The following ZNF431 variants were observed in gnomAD, a reference collection of about 807,000 sequenced individuals.
ZNF431 encodes zinc finger protein 431.
ZNF431 carries 34 observed loss-of-function variants against 57.0 expected under a neutral mutation model. The ratio of observed to expected loss-of-function variants is 0.60; its 90% CI spans 0.45 to 0.79. The LOEUF (loss-of-function observed/expected upper bound fraction) is 0.79, where lower values mean the gene tolerates loss of function less well. Ranked by LOEUF, ZNF431 falls within the 30% of genes least tolerant of loss-of-function variation. The pLI is 0.00. For synonymous variants in ZNF431, 207 were observed against 220.3 expected (o/e 0.94, Z 0.54); for missense variants, 607 against 667.1 (o/e 0.91, Z 0.99).
chr19:21,169,699 C>T (rs1970826816), intron 4 of ZNF431: 1 of 397,708 alleles, frequency 2.5e-6, no homozygotes, highest in Non-Finnish European at 4.4e-6. Context: ...CAGATTTCTG[C>T]AGTTGGCTCC....
At position 21,154,288 on chromosome 19, in the gene ZNF431, C is replaced by T. The variant is rs539476449; in HGVS notation, c.96+10645C>T. 1.0e-3 allele frequency among the ~76,000 whole-genome samples: 153 copies of T among 152,082 alleles called. 2 individuals carry two copies. The highest frequency in any genetic ancestry group is 3.4e-3 in the Middle Eastern group (1 of 294). ...TGCGGTGTTTGGTTTTTTGTCCTTG[C>T]GATAGTTTGCTGAGAATGATGGTTT... On this transcript the variant is annotated intron_variant, in intron 2 of 4. Transcript: ENST00000311048.
In ZNF431 at chr19:21,191,624, A is replaced by G. The variant is rs1348614380; in HGVS notation, c.*7590A>G. 6.6e-6 allele frequency: 1 copy of G among 152,236 alleles called. No individual in the cohort carries two copies. Among genetic ancestry groups the G allele is most frequent in the Non-Finnish European group, 1.5e-5 (1 of 68,040 alleles). 9.4% of individuals were successfully genotyped at this position (152,236 alleles called of 1,614,324 possible). ...TCAATTTTTATCTCTGCATGTGGAT[A>G]TAAAGTTTTCTTAATTGAAGATTCT... On this transcript the variant is annotated 3_prime_UTR_variant, in exon 5 of 5. Coordinates refer to ENST00000311048, the MANE Select transcript of ZNF431 (RefSeq NM_133473.4).
intron 4 of ZNF431, 51 bp downstream of exon 4, chr19:21,167,717 TAAA>T (rs113788883): frequency 2.3e-5 from 25 of 1,094,870 alleles, no homozygotes; most frequent in East Asian, 6.5e-5. Context: ...GTCCAAAGCT[TAAA>T]AAAAAAAAAT....
chr19:21,175,212 G>C (rs557666818), intron 4 of ZNF431, among the ~76,000 whole-genome samples: 32 of 152,154 alleles, frequency 2.1e-4, no homozygotes, highest in African/African-American at 7.2e-4. Flanking sequence ...ATCCCAAACC[G>C]AGATAGTTTT....
intron 4 of ZNF431, among the ~76,000 whole-genome samples, chr19:21,177,800 G>C (rs1437869014): frequency 6.6e-6 from 1 of 151,642 alleles, no homozygotes; most frequent in African/African-American, 2.4e-5. Context: ...AAAACAAAAA[G>C]AATTATCTTG....
rs1245221975 is a variant in ZNF431, at chr19:21,185,176, A to G, written c.*1142A>G. On this transcript the variant is annotated 3_prime_UTR_variant, in exon 5 of 5. Transcript: ENST00000311048. ...GAAATATATAAGGTACTGACACTTC[A>G]GATATACTAAATCAGAGTGCTAAGT... 1 of 152,226 alleles carries G rather than the reference A, an allele frequency of 6.6e-6. No homozygotes were observed. Among genetic ancestry groups the G allele is most frequent in the Non-Finnish European group, 1.5e-5 (1 of 68,040 alleles). 9.4% of individuals were successfully genotyped at this position (152,226 alleles called of 1,614,324 possible). A position where few individuals can be genotyped will look rare whatever the true frequency, so the allele number is the denominator to read the frequency against.
At chr19:21,160,079 A>G (rs1358748526) in intron 2 of ZNF431, among the ~76,000 whole-genome samples, 2 of 151,372 alleles carry the variant, frequency 1.3e-5, no homozygotes, top group East Asian at 3.9e-4. Context: ...ACTTGATGTA[A>G]CACCCAAGGA....
rs1971441386 is a variant in ZNF431 at position 21,188,818 on chromosome 19, C to T, written c.*4784C>T. Reference sequence around the variant, plus strand: ...TGGCCAGTCATGGGACCATAAGCAACACCTGCTCTTTGAGTGTCTTTCATA... The same window carrying T: ...TGGCCAGTCATGGGACCATAAGCAATACCTGCTCTTTGAGTGTCTTTCATA... On this transcript the variant is annotated 3_prime_UTR_variant, in exon 5 of 5. Transcript: ENST00000311048. 1 of 152,136 alleles carries T rather than the reference C, an allele frequency of 6.6e-6. No homozygotes were observed. The highest frequency in any genetic ancestry group is 1.5e-5 in the Non-Finnish European group (1 of 68,038). The allele number at this position is 152,136 out of a possible 1,614,324, so 9.4% of individuals were successfully genotyped here.
chr19:21,152,861 G>A (rs1381926632), intron 2 of ZNF431, among the ~76,000 whole-genome samples: 1 of 152,062 alleles, frequency 6.6e-6, no homozygotes, highest in African/African-American at 2.4e-5. Context: ...AGATGTTACC[G>A]GAAAGAAGTT....
rs1320828753 is a variant in ZNF431, at chr19:21,184,369, A to C, written c.*335A>C. On this transcript the variant is annotated 3_prime_UTR_variant, in exon 5 of 5. Transcript: ENST00000311048. ...GTCTCAAAAAAAATTTATACTGTAC[A>C]AAAACCCCACAAGTGTGAAAAACAT... The C allele has an allele frequency of 5.5e-6, 1 of 182,586 alleles. No individual in the cohort carries two copies. The highest frequency in any genetic ancestry group is 2.4e-5 in the African/African-American group (1 of 42,324). The allele number at this position is 182,586 out of a possible 1,614,324, so 11.3% of individuals were successfully genotyped here. A position where few individuals can be genotyped will look rare whatever the true frequency, so the allele number is the denominator to read the frequency against.
At chr19:21,145,630 G>C (rs568183786) in intron 2 of ZNF431, among the ~76,000 whole-genome samples, 10 of 152,248 alleles carry the variant, frequency 6.6e-5, no homozygotes, top group Middle Eastern at 3.4e-3. Context: ...ATGCAGTTAG[G>C]ATTAAGATGA....
rs1971578731 is a variant in ZNF431, at chr19:21,194,980, C to G, written c.*10946C>G. ...GCTTTATGAACGTGATGATTGGAAG[C>G]AAAAACGTGGGGCTTTTTCCTATTG... On this transcript the variant is annotated 3_prime_UTR_variant, in exon 5 of 5. Transcript: ENST00000311048. 1 of 152,086 alleles carries G rather than the reference C, an allele frequency of 6.6e-6. No individual in the cohort carries two copies. Among genetic ancestry groups the G allele is most frequent in the Non-Finnish European group, 1.5e-5 (1 of 68,040 alleles). 9.4% of individuals were successfully genotyped at this position (152,086 alleles called of 1,614,324 possible). A position where few individuals can be genotyped will look rare whatever the true frequency, so the allele number is the denominator to read the frequency against.
intron 2 of ZNF431, among the ~76,000 whole-genome samples, chr19:21,162,493 A>G (rs1970602704): frequency 1.3e-5 from 2 of 151,900 alleles, no homozygotes; most frequent in African/African-American, 4.8e-5. Flanking sequence ...TTCAGTGGAG[A>G]CAGGGTTTCA....
At chr19:21,172,655 T>C (rs2145016066) in intron 4 of ZNF431, among the ~76,000 whole-genome samples, 1 of 152,080 alleles carries the variant, frequency 6.6e-6, no homozygotes, top group East Asian at 1.9e-4. Flanking sequence ...TTTAAAAATA[T>C]CTAGGCATAG....
chr19:21,154,990 G>A (rs1171597482), intron 2 of ZNF431, among the ~76,000 whole-genome samples: 4 of 152,076 alleles, frequency 2.6e-5, no homozygotes, highest in Non-Finnish European at 5.9e-5. Flanking sequence ...CTCTGATGGT[G>A]GTTTCTTTTG....
At chr19:21,162,184 G>T (rs1044346571) in intron 2 of ZNF431, among the ~76,000 whole-genome samples, 5 of 143,484 alleles carry the variant, frequency 3.5e-5, no homozygotes, top group Non-Finnish European at 6.1e-5. Flanking sequence ...GTGTGTGTGT[G>T]TTTTCTTGAA....
rs112781973 is a variant in ZNF431 at position 21,182,687 on chromosome 19, A to G, written c.384A>G (p.Gln128=). 4 of 1,613,708 alleles carry G rather than the reference A, an allele frequency of 2.5e-6. No homozygotes were observed. Among genetic ancestry groups the G allele is most frequent in the Admixed American group, 1.7e-5 (1 of 59,970 alleles). ...PEQDIKDSFQ[Q]VILRRYGKCE... ...AAGACATAAAAGATTCTTTTCAACA[A>G]GTAATACTGAGAAGATATGGCAAAT... Residue 128 remains glutamine (Q), a synonymous_variant, in exon 5 of 5, where the codon CAA becomes CAG. Transcript: ENST00000311048.
intron 4 of ZNF431, among the ~76,000 whole-genome samples, chr19:21,170,334 A>T (rs6511206): frequency 0.94 from 142,724 of 151,670 alleles, 67,391 homozygotes; most frequent in Middle Eastern, 0.99. Flanking sequence ...GACTGAATAA[A>T]TTTTTTTTTG....
chr19:21,171,981 A>G (rs1194625861), intron 4 of ZNF431, among the ~76,000 whole-genome samples: 1 of 151,378 alleles, frequency 6.6e-6, no homozygotes, highest in Non-Finnish European at 1.5e-5. Context: ...TGGCCTCCCA[A>G]AGTTCTGGGA....
Sources: allele counts gnomAD v4.1 joint callset (sites outside exome capture counted in the v4.1 genomes callset), GRCh38; gene constraint gnomAD v4.1.1; transcripts MANE v1.5; gene names NCBI Gene and HGNC (gene_info 2026-07-23, HGNC 2026-07-21).